Variants in ADAMTSL1 observed in about 807,000 individuals in gnomAD.
The protein encoded by ADAMTSL1 is ADAMTS-like protein 1.
Under a neutral mutation model 201.8 loss-of-function variants are expected in ADAMTSL1, and 126 were observed. The ratio of observed to expected loss-of-function variants is 0.62; its 90% CI spans 0.54 to 0.72. ADAMTSL1 has a LOEUF of 0.72. Ranked by LOEUF, ADAMTSL1 falls within the 30% of genes least tolerant of loss-of-function variation. ADAMTSL1 has a pLI of 0.00. For missense variants in ADAMTSL1, 2,679 were observed against 2,277.8 expected (o/e 1.18, Z -3.59); for synonymous variants, 1,121 against 903.4 (o/e 1.24, Z -4.32).
chr9:18,038,886 A>G (rs1563963704), intron 1 of ADAMTSL1, among the ~76,000 whole-genome samples: 1 of 152,234 alleles, frequency 6.6e-6, no homozygotes, highest in Non-Finnish European at 1.5e-5. Context: ...CACATAGCTG[A>G]AGGTCAGATT....
chr9:18,306,995 C>T (rs1427136534), intron 2 of ADAMTSL1, among the ~76,000 whole-genome samples: 1 of 152,184 alleles, frequency 6.6e-6, no homozygotes, highest in Non-Finnish European at 1.5e-5. Context: ...CAGTGGATCT[C>T]TCTGCAGAAA....
rs185951498 is a variant in ADAMTSL1, at chr9:18,584,324, C to T, written c.474+10058C>T. On this transcript the variant is annotated intron_variant, in intron 4 of 28. Transcript: ENST00000380548. ...GCACAAGCTCTCTTCTTTTGTCTGC[C>T]ACCATGTGAGATGTCCCTGTCACCT... 1.9e-3 allele frequency among the ~76,000 whole-genome samples: 287 copies of T among 151,574 alleles called. 1 individual carries two copies. The highest frequency in any genetic ancestry group is 3.4e-3 in the Middle Eastern group (1 of 294).
At chr9:18,426,230 G>C (rs16936677) in intron 2 of ADAMTSL1, among the ~76,000 whole-genome samples, 1 of 152,044 alleles carries the variant, frequency 6.6e-6, no homozygotes, top group Non-Finnish European at 1.5e-5. Context: ...CCAGTCCACC[G>C]GCCAGCTATT....
At chr9:18,207,813 A>G (rs1238693296) in intron 2 of ADAMTSL1, among the ~76,000 whole-genome samples, 6 of 152,178 alleles carry the variant, frequency 3.9e-5, no homozygotes, top group Non-Finnish European at 8.8e-5. Flanking sequence ...GTTAAAAAAG[A>G]AAGCAAGATA....
chr9:18,305,819 G>GAAAACAGATTCTTCCCT lies in ADAMTSL1; in HGVS notation c.207+141839_207+141840insAAACAGATTCTTCCCTA, dbSNP rs1563873934. Among the ~76,000 whole-genome samples, 28 of 152,104 alleles carry GAAAACAGATTCTTCCCT rather than the reference G, an allele frequency of 1.8e-4. No homozygotes were observed. The South Asian group carries it at 5.6e-3, about 31-fold the overall frequency. On this transcript the variant is annotated intron_variant, in intron 2 of 29. Coordinates refer to the ADAMTSL1 transcript ENST00000680146. The stretch of plus-strand genomic sequence containing the variant: ...AACGTTCCTGCCTGTTGGCCTTGAA[G>GAAAACAGATTCTTCCCT]AGAGCAGTGGATCACGCAGCACAGC...
intron 1 of ADAMTSL1, among the ~76,000 whole-genome samples, chr9:18,023,164 G>C (rs1820550719): frequency 6.6e-6 from 1 of 151,732 alleles, no homozygotes; most frequent in Admixed American, 6.6e-5. Context: ...ATGTATGTCT[G>C]CGAAAGAGCA....
At chr9:18,266,787 C>A (rs1207892395) in intron 2 of ADAMTSL1, among the ~76,000 whole-genome samples, 2 of 152,128 alleles carry the variant, frequency 1.3e-5, no homozygotes, top group Non-Finnish European at 2.9e-5. Context: ...TCATTTCTCA[C>A]ATTGACGGTT....
chr9:18,050,019 A>G (rs370100566), intron 1 of ADAMTSL1, among the ~76,000 whole-genome samples: 1 of 152,248 alleles, frequency 6.6e-6, no homozygotes, highest in East Asian at 1.9e-4. Flanking sequence ...GAAGCACAAC[A>G]GATACCATAT....
chr9:18,571,945 C>G (rs1015858862), intron 3 of ADAMTSL1, among the ~76,000 whole-genome samples: 1 of 152,138 alleles, frequency 6.6e-6, no homozygotes, highest in Admixed American at 6.5e-5. Flanking sequence ...ATAATCCCAG[C>G]ACTTTGAGAG....
chr9:18,422,757 G>A (rs1257620018), intron 2 of ADAMTSL1, among the ~76,000 whole-genome samples: 1 of 152,084 alleles, frequency 6.6e-6, no homozygotes, highest in Non-Finnish European at 1.5e-5. Flanking sequence ...TGCAGCATCC[G>A]GTATGGCCTC....
chr9:18,445,050 C>T (rs1232038173), intron 2 of ADAMTSL1, among the ~76,000 whole-genome samples: 3 of 152,102 alleles, frequency 2.0e-5, no homozygotes, highest in African/African-American at 4.8e-5. Flanking sequence ...CAAACCCAGT[C>T]AGTTGAACTC....
At chr9:18,271,914 C>A (rs1480858423) in intron 2 of ADAMTSL1, among the ~76,000 whole-genome samples, 1 of 151,620 alleles carries the variant, frequency 6.6e-6, no homozygotes, top group African/African-American at 2.4e-5. Context: ...ATTTGCATTT[C>A]TCTGATGGCC....
intron 3 of ADAMTSL1, among the ~76,000 whole-genome samples, chr9:18,550,745 T>A (rs936929349): frequency 6.6e-6 from 1 of 151,936 alleles, no homozygotes; most frequent in Non-Finnish European, 1.5e-5. Context: ...TTTAAGCACC[T>A]ACGTTTATGA....
intron 2 of ADAMTSL1, among the ~76,000 whole-genome samples, chr9:18,224,208 T>A (rs1383458754): frequency 6.6e-6 from 1 of 152,020 alleles, no homozygotes; most frequent in African/African-American, 2.4e-5. Context: ...GAACAGAAAT[T>A]TATTTCTCAC....
In ADAMTSL1 at chr9:18,119,006, C is replaced by T. The variant is rs145035536; in HGVS notation, c.88-44856C>T. ...GAGGTTGAGAGCATGGACTCCAGAG[C>T]CAGCTTGGCCCCTTCACATACTGAT... On this transcript the variant is annotated intron_variant, in intron 1 of 29. Coordinates refer to the ADAMTSL1 transcript ENST00000680146. 2.5e-3 allele frequency among the ~76,000 whole-genome samples: 385 copies of T among 152,218 alleles called. 2 individuals are homozygous for T. Among genetic ancestry groups the T allele is most frequent in the African/African-American group, 8.7e-3 (362 of 41,540 alleles).
rs1821094887 is a variant in ADAMTSL1 at position 18,777,309 on chromosome 9, G to A, written c.3080G>A (p.Arg1027Gln). 3.7e-6 allele frequency: 6 copies of A among 1,603,034 alleles called. No individual in the cohort carries two copies. Among genetic ancestry groups the A allele is most frequent in the Non-Finnish European group, 4.3e-6 (5 of 1,175,046 alleles). Residue 1027 changes from arginine to glutamine, a missense_variant, in exon 19 of 29, where the codon CGG (arginine) becomes CAG (glutamine). Physicochemically the swap from Arg to Gln is conservative, Grantham distance 43. Transcript: ENST00000380548. ...AGCCGCTACGACGACCTCGTCTCCC[G>A]GCTGCTGGAGCAGGGCGGCTGGCCC... ...PGSRYDDLVS[R>Q]LLEQGGWPGE... is the part of the protein sequence containing the mutation.
At chr9:18,710,675 T>TG (rs1333295781) in intron 14 of ADAMTSL1, among the ~76,000 whole-genome samples, 2 of 147,644 alleles carry the variant, frequency 1.4e-5, no homozygotes, top group African/African-American at 2.5e-5. Context: ...TGTTTTGTTT[T>TG]TTTTTTTTTT....
At chr9:18,208,563 T>C (rs999092719) in intron 2 of ADAMTSL1, among the ~76,000 whole-genome samples, 1 of 152,122 alleles carries the variant, frequency 6.6e-6, no homozygotes, top group Non-Finnish European at 1.5e-5. Context: ...GGCACAGTTT[T>C]AAGCGCTTCA....
chr9:18,674,327 C>G (rs1342826596), intron 9 of ADAMTSL1, among the ~76,000 whole-genome samples: 1 of 152,148 alleles, frequency 6.6e-6, no homozygotes, highest in East Asian at 1.9e-4. Flanking sequence ...AGTTAGTACT[C>G]CAATGACCTT....
Sources: gnomAD v4.1 joint callset for allele counts (sites outside exome capture counted in the v4.1 genomes callset) on GRCh38, gnomAD v4.1.1 for gene constraint, MANE v1.5 for transcripts, NCBI Gene and HGNC (gene_info 2026-07-23, HGNC 2026-07-21) for gene names.